Variants in UCP1 observed in about 807,000 individuals in gnomAD.
UCP1 encodes uncoupling protein 1.
A neutral mutation model predicts 26.2 loss-of-function variants in UCP1; 24 were observed. The observed-to-expected ratio is 0.92, with a 90% confidence interval of 0.66 to 1.29. The LOEUF is 1.29. Among genes scored for constraint, UCP1 ranks in the 50% most tolerant of loss-of-function variants. The pLI, the probability that UCP1 is intolerant of heterozygous loss-of-function variation, is 0.00. For synonymous variants in UCP1, 164 were observed against 156.8 expected, an observed-to-expected ratio of 1.05 and a Z score of -0.34; for missense variants, 402 against 388.7, an observed-to-expected ratio of 1.03 and a Z score of -0.29.
chr4:140,565,830 C>CTATATTGTAATTA lies in UCP1; in HGVS notation c.325+1948_325+1949insTAATTACAATATA, dbSNP rs1427850624. On this transcript the variant is annotated intron_variant, in intron 2 of 5. Coordinates refer to ENST00000262999, the MANE Select transcript of UCP1 (RefSeq NM_021833.5). ...GCTTAAGTAGTTCTGTTTAATATAG[C>CTATATTGTAATTA]CACCATCTTGTAATTACAGTTAGTC... 2.4e-3 allele frequency among the ~76,000 whole-genome samples: 365 copies of CTATATTGTAATTA among 152,112 alleles called. 5 individuals carry two copies. Among genetic ancestry groups the CTATATTGTAATTA allele is most frequent in the Non-Finnish European group, 5.4e-4 (37 of 67,996 alleles).
intron 5 of UCP1, 53 bp from the exon 6 acceptor site, chr4:140,560,063 T>C (rs543991038): frequency 5.5e-6 from 8 of 1,466,096 alleles, no homozygotes; most frequent in African/African-American, 1.4e-5. Context: ...TTTTTTTTTT[T>C]AATTTTTGAG....
At chr4:140,560,149 C>T in intron 5 of UCP1, 139 bp from the exon 6 acceptor site, 1 of 705,750 alleles carries the variant, frequency 1.4e-6, no homozygotes, top group South Asian at 1.7e-5. Flanking sequence ...AGCTCCTGGG[C>T]TTAAGTGATC....
chr4:140,560,190 A>G (rs1735647012), intron 5 of UCP1, among the ~76,000 whole-genome samples, 180 bp from the exon 6 acceptor site: 1 of 152,020 alleles, frequency 6.6e-6, no homozygotes, highest in Non-Finnish European at 1.5e-5. Context: ...AGTAACTGGG[A>G]CTAGAGACTG....
intron 2 of UCP1, among the ~76,000 whole-genome samples, chr4:140,567,428 C>T (rs2110916443): frequency 6.6e-6 from 1 of 152,280 alleles, no homozygotes; most frequent in East Asian, 1.9e-4. Flanking sequence ...TGGTAGTCCT[C>T]GTTTGGATTT....
chr4:140,562,044 A>G, intron 5 of UCP1, 149 bp downstream of exon 5: 1 of 926,152 alleles, frequency 1.1e-6, no homozygotes, highest in East Asian at 2.6e-5. Flanking sequence ...GAATTGGTGG[A>G]TTGGAGAAAT....
In UCP1 at chr4:140,567,792, G is replaced by A. The variant is rs1253648786; in HGVS notation, c.312C>T (p.Thr104=). The part of the protein sequence containing the change: ...GLYDTVQEFL[T]AGKETAPSLG... ...CTCACGGCTTACTTTCTTTCCCTGCGGTGAGGAACTCCTGGACCGTGTCGT... is the reference window on the plus strand; with the variant it reads ...CTCACGGCTTACTTTCTTTCCCTGCAGTGAGGAACTCCTGGACCGTGTCGT... The change falls in exon 2 of 6, where the codon ACC becomes ACT. Residue 104 remains threonine, a synonymous_variant. Transcript: ENST00000262999. The A allele has an allele frequency of 6.2e-6, 10 of 1,613,856 alleles. No individual in the cohort carries two copies. The highest frequency in any genetic ancestry group is 1.7e-5 in the Admixed American group (1 of 59,994).
intron 1 of UCP1, 28 bp downstream of exon 1, chr4:140,568,576 C>T: frequency 6.2e-7 from 1 of 1,613,554 alleles, no homozygotes; most frequent in Non-Finnish European, 8.5e-7. Flanking sequence ...GTCCTGAGAC[C>T]CCTTGTCTTA....
chr4:140,568,677 A>T lies in UCP1; in HGVS notation c.53T>A (p.Phe18Tyr), dbSNP rs780022193. 6.2e-7 allele frequency: 1 copy of T among 1,609,304 alleles called. No individual in the cohort carries two copies. The highest frequency in any genetic ancestry group is 8.5e-7 in the Non-Finnish European group (1 of 1,178,504). ...DVHPTLGVQL[F>Y]SAGIAACLAD... ...CAAGCACGCCGCTATTCCAGCTGAG[A>T]AGAGCTGGACCCCCAGGGTCGGGTG... Residue 18 changes from phenylalanine (F) to tyrosine (Y), a missense_variant, in exon 1 of 6, where the codon TTC (phenylalanine) becomes TAC (tyrosine). By Grantham distance (22) the Phe-to-Tyr change is conservative. Coordinates refer to ENST00000262999, the MANE Select transcript of UCP1 (RefSeq NM_021833.5).
intron 1 of UCP1, 138 bp from the exon 2 acceptor site, chr4:140,568,115 G>A: frequency 1.0e-5 from 1 of 99,450 alleles, no homozygotes; most frequent in Non-Finnish European, 1.8e-5. Context: ...TACCGTGTGT[G>A]TGTGTGTGTG....
chr4:140,563,187 C>A lies in UCP1; in HGVS notation c.551G>T (p.Ser184Ile), dbSNP rs1010392553. The A allele has an allele frequency of 2.5e-6, 4 of 1,612,970 alleles. No individual in the cohort carries two copies. The highest frequency in any genetic ancestry group is 3.4e-6 in the Non-Finnish European group (4 of 1,179,628). The stretch of plus-strand genomic sequence containing the variant: ...TAGCTCTGTACAATTGATGATGACA[C>A]TTCTCATCAGATTGGGAGTAGTCCC... Reference protein sequence around the residue: ...WKGTTPNLMRSVIINCTELVT... With the variant: ...WKGTTPNLMRIVIINCTELVT... The change falls in exon 4 of 6, where the codon AGT becomes ATT. Residue 184 changes from serine (S) to isoleucine (I), a missense_variant. By Grantham distance (142) the Ser-to-Ile change is moderately radical (BLOSUM62 -2). Transcript: ENST00000262999.
chr4:140,564,608 T>G (rs1422103106), intron 2 of UCP1, among the ~76,000 whole-genome samples: 1 of 152,214 alleles, frequency 6.6e-6, no homozygotes, highest in Non-Finnish European at 1.5e-5. Context: ...TCCACAAAAC[T>G]GGCAGCAATT....
In UCP1 at chr4:140,563,406, A is replaced by G. The variant is rs780247695; in HGVS notation, c.438T>C (p.His146=). The G allele has an allele frequency of 1.2e-6, 2 of 1,613,998 alleles. No individual in the cohort carries two copies. The highest frequency in any genetic ancestry group is 1.7e-6 in the Non-Finnish European group (2 of 1,179,998). ...VVKVRLQAQS[H]LHGIKPRYTG... is the part of the protein sequence containing the mutation. Reference sequence around the variant, plus strand: ...TGTAGCGAGGTTTGATTCCGTGGAGATGGCTCTGTGCTTGAAGTCTGACTT... The same window carrying G: ...TGTAGCGAGGTTTGATTCCGTGGAGGTGGCTCTGTGCTTGAAGTCTGACTT... Residue 146 remains histidine, a synonymous_variant, in exon 3 of 6, where the codon CAT becomes CAC. Transcript: ENST00000262999.
intron 5 of UCP1, 35 bp from the exon 6 acceptor site, chr4:140,560,045 T>A: frequency 6.3e-7 from 1 of 1,580,902 alleles, no homozygotes. Flanking sequence ...GATTAATTTG[T>A]TTGATTTTTT....
intron 5 of UCP1, 38 bp from the exon 6 acceptor site, chr4:140,560,048 GA>G (rs758206160): frequency 1.6e-5 from 24 of 1,525,072 alleles, no homozygotes; most frequent in Non-Finnish European, 2.0e-5. Flanking sequence ...TAATTTGTTT[GA>G]TTTTTTTTTT....
chr4:140,563,069 TA>T, intron 4 of UCP1, 40 bp downstream of exon 4: 1 of 1,513,240 alleles, frequency 6.6e-7, no homozygotes, highest in Non-Finnish European at 9.2e-7. Context: ...GATGAACTTC[TA>T]AAGGTGCAGA....
At chr4:140,565,820 T>A (rs1016188700) in intron 2 of UCP1, among the ~76,000 whole-genome samples, 1 of 151,416 alleles carries the variant, frequency 6.6e-6, no homozygotes, top group African/African-American at 2.4e-5. Flanking sequence ...AGTAGTTCTG[T>A]TTAATATAGC....
chr4:140,565,605 C>T (rs1404131474), intron 2 of UCP1, among the ~76,000 whole-genome samples: 2 of 152,176 alleles, frequency 1.3e-5, no homozygotes, highest in African/African-American at 4.8e-5. Context: ...GTCTCTGTGG[C>T]TTCACCCCTC....
chr4:140,567,797 G>A lies in UCP1; in HGVS notation c.307C>T (p.Leu103Phe). The change falls in exon 2 of 6, where the codon CTC becomes TTC. Residue 103 changes from leucine to phenylalanine, a missense_variant. Physicochemically the swap from Leu to Phe is conservative, Grantham distance 22. Coordinates refer to ENST00000262999, the MANE Select transcript of UCP1 (RefSeq NM_021833.5). ...IGLYDTVQEF[L>F]TAGKETAPSL... ...GGCTTACTTTCTTTCCCTGCGGTGA[G>A]GAACTCCTGGACCGTGTCGTAGAGG... The A allele has an allele frequency of 6.2e-7, 1 of 1,614,056 alleles. No homozygotes were observed. Among genetic ancestry groups the A allele is most frequent in the South Asian group, 1.1e-5 (1 of 91,072 alleles).
chr4:140,566,063 A>G (rs1158078532), intron 2 of UCP1, among the ~76,000 whole-genome samples: 2 of 152,218 alleles, frequency 1.3e-5, no homozygotes, highest in Admixed American at 6.5e-5. Context: ...GGAGCAATAG[A>G]TTATACCATA....
Sources: allele counts gnomAD v4.1 joint callset (sites outside exome capture counted in the v4.1 genomes callset), GRCh38; gene constraint gnomAD v4.1.1; transcripts MANE v1.5; gene names NCBI Gene and HGNC (gene_info 2026-07-23, HGNC 2026-07-21).